Variants in TRPV3 observed in about 807,000 individuals in gnomAD.
The protein encoded by TRPV3 is transient receptor potential cation channel subfamily V member 3.
TRPV3 carries 88 observed loss-of-function variants against 87.1 expected under a neutral mutation model. The ratio of observed to expected loss-of-function variants is 1.01; its 90% confidence interval spans 0.85 to 1.21. The LOEUF (loss-of-function observed/expected upper bound fraction) is 1.21. Ranked by LOEUF, TRPV3 falls within the 50% of genes most tolerant of loss-of-function variation. The probability of loss-of-function intolerance (pLI) is 0.00; values close to 1 mark genes in which losing one functional copy is unlikely to be tolerated. For missense variants in TRPV3, 1,054 were observed against 1,030.1 expected (o/e 1.02, Z -0.32); for synonymous variants, 438 against 423.3 (o/e 1.03, Z -0.43).
chr17:3,528,261 G>T lies in TRPV3; in HGVS notation c.1402-135C>A. 2 of 637,804 alleles carry T rather than the reference G, an allele frequency of 3.1e-6. No individual in the cohort carries two copies. The highest frequency in any genetic ancestry group is 5.4e-6 in the Non-Finnish European group (2 of 373,112). The allele number at this position is 637,804 out of a possible 1,614,324, so 39.5% of individuals were successfully genotyped here. A position where few individuals can be genotyped will look rare whatever the true frequency, so the allele number is the denominator to read the frequency against. The stretch of plus-strand genomic sequence containing the variant: ...CAGCATGAAACCTGATCTCTGTACA[G>T]GGCAAGAGAAGGAAGAGCAGCTCCC... On this transcript the variant is annotated intron_variant, in intron 10 of 17. Coordinates refer to ENST00000576742, the MANE Select transcript of TRPV3 (RefSeq NM_145068.4). The surrounding 1 kb of genome is among the most constrained non-coding windows in gnomAD (Gnocchi z 4.2).
chr17:3,540,297 T>C (rs139145000), intron 6 of TRPV3, among the ~76,000 whole-genome samples: 1 of 152,114 alleles, frequency 6.6e-6, no homozygotes, highest in Non-Finnish European at 1.5e-5. Context: ...GAGGAAATGC[T>C]AAGAGGAAGG....
intron 16 of TRPV3, among the ~76,000 whole-genome samples, chr17:3,514,966 G>A (rs1206535559): frequency 6.6e-6 from 1 of 152,154 alleles, no homozygotes; most frequent in East Asian, 1.9e-4. Context: ...AACAGCTGCT[G>A]TGCCTGACTG....
At chr17:3,536,800 G>A (rs181307425) in intron 6 of TRPV3, among the ~76,000 whole-genome samples, 397 of 152,270 alleles carry the variant, frequency 2.6e-3, no homozygotes, top group Non-Finnish European at 4.6e-3. Context: ...CAAGAGGAAA[G>A]AAGGGTAGCG....
chr17:3,533,732 C>G (rs536703759), intron 7 of TRPV3, among the ~76,000 whole-genome samples: 1 of 152,126 alleles, frequency 6.6e-6, no homozygotes, highest in African/African-American at 2.4e-5. Context: ...CTCCTGACCT[C>G]GTGATCCACC....
At chr17:3,519,900 GATTA>G (rs1256346812) in intron 14 of TRPV3, among the ~76,000 whole-genome samples, 2,417 of 79,596 alleles carry the variant, frequency 0.03, 25 homozygotes, top group Non-Finnish European at 0.037. Context: ...TTGGATGGAT[GATTA>G]GATGGATGGA....
intron 13 of TRPV3, 60 bp downstream of exon 13, chr17:3,524,138 C>T: frequency 6.3e-7 from 1 of 1,589,034 alleles, no homozygotes; most frequent in Non-Finnish European, 8.6e-7. Context: ...ATCTCAGTTT[C>T]CCCATCTGAA....
chr17:3,528,263 G>C lies in TRPV3; in HGVS notation c.1402-137C>G. ...GCATGAAACCTGATCTCTGTACAGG[G>C]CAAGAGAAGGAAGAGCAGCTCCCTG... On this transcript the variant is annotated intron_variant, in intron 10 of 17. Coordinates refer to ENST00000576742, the MANE Select transcript of TRPV3 (RefSeq NM_145068.4). This position sits in a 1 kb window ranked among gnomAD's most constrained non-coding sequence, Gnocchi z 4.2. 1 of 631,148 alleles carries C rather than the reference G, an allele frequency of 1.6e-6. No homozygotes were observed. Among genetic ancestry groups the C allele is most frequent in the South Asian group, 2.0e-5 (1 of 49,254 alleles). 39.1% of individuals were successfully genotyped at this position (631,148 alleles called of 1,614,324 possible).
chr17:3,536,450 T>C (rs2074410119), intron 6 of TRPV3, among the ~76,000 whole-genome samples: 1 of 151,864 alleles, frequency 6.6e-6, no homozygotes, highest in Admixed American at 6.6e-5. Flanking sequence ...TAGCCGGCCG[T>C]GGGGGCGCAT....
At position 3,513,806 on chromosome 17, in the gene TRPV3, T is replaced by C. The variant is rs1567627083; in HGVS notation, c.*111A>G. On this transcript the variant is annotated 3_prime_UTR_variant, in exon 18 of 18. Transcript: ENST00000576742. ...TGAGCACGAGGGTGCACTCTGCTTCTAGGCCAGCAGAGCCGGACTCCACCA... is the reference window on the plus strand; with the variant it reads ...TGAGCACGAGGGTGCACTCTGCTTCCAGGCCAGCAGAGCCGGACTCCACCA... The C allele has an allele frequency of 5.5e-6, 5 of 903,506 alleles. No homozygotes were observed. In the South Asian group the frequency reaches 6.0e-5, roughly 11 times the overall value. 56.0% of individuals were successfully genotyped at this position (903,506 alleles called of 1,614,324 possible).
In TRPV3 at chr17:3,528,808, C is replaced by A. The variant is rs371237794; in HGVS notation, c.1401+29G>T. 15 of 1,613,206 alleles carry A rather than the reference C, an allele frequency of 9.3e-6. No individual in the cohort carries two copies. The highest frequency in any genetic ancestry group is 1.3e-5 in the Non-Finnish European group (15 of 1,179,624). On this transcript the variant is annotated intron_variant, in intron 10 of 17. Coordinates refer to ENST00000576742, the MANE Select transcript of TRPV3 (RefSeq NM_145068.4). This position sits in a 1 kb window ranked among gnomAD's most constrained non-coding sequence, Gnocchi z 4.2. Reference sequence around the variant, plus strand: ...CAAGCCCCTCCAGCTCTGACGGCCCCATTTTCCCCCTCCAAGGGGCCCACG... The same window carrying A: ...CAAGCCCCTCCAGCTCTGACGGCCCAATTTTCCCCCTCCAAGGGGCCCACG...
intron 16 of TRPV3, among the ~76,000 whole-genome samples, chr17:3,515,914 C>T (rs958046913): frequency 6.6e-6 from 1 of 151,990 alleles, no homozygotes; most frequent in South Asian, 2.1e-4. Context: ...GGGCTGGGTG[C>T]GGTGGCTCAT....
At chr17:3,541,202 C>T (rs1264287648) in intron 6 of TRPV3, among the ~76,000 whole-genome samples, 1 of 152,040 alleles carries the variant, frequency 6.6e-6, no homozygotes, top group Non-Finnish European at 1.5e-5. Flanking sequence ...CCCGTCTCTA[C>T]TAAAAATCCA....
At chr17:3,544,507 C>T in intron 4 of TRPV3, 72 bp downstream of exon 4, 3 of 939,196 alleles carry the variant, frequency 3.2e-6, no homozygotes, top group Non-Finnish European at 4.9e-6. Flanking sequence ...TCCTGCAGGG[C>T]CCCGGATCCT....
intron 15 of TRPV3, among the ~76,000 whole-genome samples, chr17:3,517,455 C>CA (rs2074192738): frequency 6.6e-6 from 1 of 151,572 alleles, no homozygotes; most frequent in South Asian, 2.1e-4. Context: ...CCCATCTCTA[C>CA]AAAAAATACA....
chr17:3,525,223 T>C (rs1055019725), intron 12 of TRPV3, among the ~76,000 whole-genome samples: 3 of 152,304 alleles, frequency 2.0e-5, no homozygotes, highest in South Asian at 2.1e-4. Flanking sequence ...TTTCACCATG[T>C]TGGCCAGGCT....
intron 12 of TRPV3, 72 bp downstream of exon 12, chr17:3,526,782 G>A (rs748950453): frequency 1.4e-5 from 17 of 1,227,508 alleles, no homozygotes; most frequent in African/African-American, 3.0e-5. Flanking sequence ...TTCAAGAGGC[G>A]GACACGGCAG....
chr17:3,548,962 G>A (rs1051358916), intron 2 of TRPV3, among the ~76,000 whole-genome samples: 4 of 152,262 alleles, frequency 2.6e-5, no homozygotes, highest in East Asian at 1.9e-4. Flanking sequence ...GCTGAAGTGG[G>A]CATCGGAGGT....
At chr17:3,515,390 G>A (rs578224438) in intron 16 of TRPV3, among the ~76,000 whole-genome samples, 52 of 152,310 alleles carry the variant, frequency 3.4e-4, no homozygotes, top group Non-Finnish European at 6.0e-4. Flanking sequence ...GCCGGGCACC[G>A]TGGCTCACGC....
chr17:3,522,066 A>T (rs2150783242), intron 13 of TRPV3, among the ~76,000 whole-genome samples: 1 of 152,216 alleles, frequency 6.6e-6, no homozygotes, highest in East Asian at 1.9e-4. Context: ...GCAGAGCCAG[A>T]CTCTGTCTCA....
Sources: allele counts gnomAD v4.1 joint callset (sites outside exome capture counted in the v4.1 genomes callset), GRCh38; gene constraint gnomAD v4.1.1; non-coding constraint Gnocchi (gnomAD v3.1); transcripts MANE v1.5; gene names NCBI Gene and HGNC (gene_info 2026-07-23, HGNC 2026-07-21).